The following ADGRV1 variants were observed in gnomAD, a reference collection of about 807,000 sequenced individuals.
ADGRV1 encodes adhesion G protein-coupled receptor V1.
Under a neutral mutation model 596.2 loss-of-function variants are expected in ADGRV1, and 359 were observed. That is an observed-to-expected ratio of 0.60 (90% CI 0.55 to 0.66). The LOEUF (loss-of-function observed/expected upper bound fraction) is 0.66. Among genes scored for constraint, ADGRV1 ranks in the 30% least tolerant of loss-of-function variants. The pLI is 0.00. For synonymous variants in ADGRV1, 2,681 were observed against 2,679.2 expected, an observed-to-expected ratio of 1.00 and a Z score of -0.02; for missense variants, 7,274 against 7,575.6, an observed-to-expected ratio of 0.96 and a Z score of 1.48.
intron 1 of ADGRV1, 193 bp from the exon 2 acceptor site, chr5:90,614,642 G>GT (rs1003533575): frequency 3.1e-6 from 2 of 637,800 alleles, no homozygotes; most frequent in South Asian, 3.1e-5. Context: ...AAAGAGAACC[G>GT]TAAGAATAGA....
At position 90,691,061 on chromosome 5, in the gene ADGRV1, T is replaced by G. The variant is rs187362205; in HGVS notation, c.6951+20T>G. The stretch of plus-strand genomic sequence containing the variant: ...GAAGAGGTGAGAGGACTGGCTAGTA[T>G]AGAATGACACTGTAAATCATACCGT... On this transcript the variant is annotated intron_variant, in intron 31 of 89. Transcript: ENST00000405460. 6.8e-6 allele frequency: 11 copies of G among 1,613,468 alleles called. No individual in the cohort carries two copies. In the East Asian group the frequency reaches 2.5e-4, roughly 36 times the overall value.
At chr5:90,881,960 C>T (rs1769828218) in intron 83 of ADGRV1, among the ~76,000 whole-genome samples, 1 of 152,146 alleles carries the variant, frequency 6.6e-6, no homozygotes, top group Non-Finnish European at 1.5e-5. Context: ...CTGCCGGCTT[C>T]AGCCTCCCAA....
chr5:90,697,272 G>T (rs1161780460), intron 34 of ADGRV1, 126 bp downstream of exon 34: 2 of 818,592 alleles, frequency 2.4e-6, no homozygotes, highest in Non-Finnish European at 3.8e-6. Flanking sequence ...GTGTTAATCT[G>T]CATAGAACTT....
chr5:91,095,667 GA>G (rs1278369006), intron 86 of ADGRV1, among the ~76,000 whole-genome samples: 2 of 152,198 alleles, frequency 1.3e-5, no homozygotes, highest in East Asian at 3.9e-4. Flanking sequence ...GTGAATTTCA[GA>G]ATAAAGACCT....
chr5:90,970,942 A>C (rs948394864), intron 84 of ADGRV1, among the ~76,000 whole-genome samples: 37 of 152,174 alleles, frequency 2.4e-4, no homozygotes, highest in African/African-American at 8.9e-4. Flanking sequence ...ATCGCAAAGA[A>C]GCTAAAAACC....
At chr5:90,989,363 C>T (rs1267380642) in intron 85 of ADGRV1, among the ~76,000 whole-genome samples, 2 of 152,330 alleles carry the variant, frequency 1.3e-5, no homozygotes, top group African/African-American at 4.8e-5. Flanking sequence ...TGTCCACTAT[C>T]CACCCACATA....
intron 87 of ADGRV1, among the ~76,000 whole-genome samples, chr5:91,133,241 A>G (rs749696337): frequency 5.3e-5 from 8 of 152,252 alleles, no homozygotes; most frequent in Admixed American, 1.3e-4. Flanking sequence ...TTGGAGGTTC[A>G]AGAGATAATT....
intron 10 of ADGRV1, 98 bp from the exon 11 acceptor site, chr5:90,637,627 A>G: frequency 1.3e-6 from 1 of 763,602 alleles, no homozygotes; most frequent in Non-Finnish European, 2.0e-6. Context: ...ATATGTTCAC[A>G]CAGTAATATA....
chr5:91,127,561 T>A (rs941683881), intron 87 of ADGRV1, among the ~76,000 whole-genome samples: 8 of 145,120 alleles, frequency 5.5e-5, no homozygotes, highest in African/African-American at 2.0e-4. Context: ...AAAAAAAATC[T>A]TACTAGAGAT....
rs564441534 is a variant in ADGRV1, at chr5:90,698,199, T to A, written c.8155+1053T>A. 5.9e-5 allele frequency among the ~76,000 whole-genome samples: 9 copies of A among 152,246 alleles called. No homozygotes were observed. In the South Asian group the frequency reaches 8.3e-4, roughly 14 times the overall value. On this transcript the variant is annotated intron_variant, in intron 34 of 89. Transcript: ENST00000405460. Reference sequence around the variant, plus strand: ...TAACCTAAAGACAGATCATCAACTATCAAAAAGTTATTTGTAACATAATAC... The same window carrying A: ...TAACCTAAAGACAGATCATCAACTAACAAAAAGTTATTTGTAACATAATAC...
chr5:91,092,590 A>C (rs1426863310), intron 86 of ADGRV1: 1 of 152,196 alleles, frequency 6.6e-6, no homozygotes, highest in Non-Finnish European at 1.5e-5. Context: ...AAAAAACTTA[A>C]ACATGTTTCT....
chr5:90,571,233 A>C (rs992604743), intron 1 of ADGRV1, among the ~76,000 whole-genome samples: 1 of 152,062 alleles, frequency 6.6e-6, no homozygotes, highest in Admixed American at 6.6e-5. Flanking sequence ...TAAGTCTCCC[A>C]GTTTTTGCTT....
intron 36 of ADGRV1, among the ~76,000 whole-genome samples, chr5:90,705,037 T>G (rs1226856043): frequency 6.6e-6 from 1 of 152,144 alleles, no homozygotes; most frequent in Non-Finnish European, 1.5e-5. Flanking sequence ...CTCAATCTCT[T>G]GATCTTGTGA....
At chr5:90,778,780 C>A (rs966053482) in intron 63 of ADGRV1, 85 bp from the exon 64 acceptor site, 5 of 1,186,084 alleles carry the variant, frequency 4.2e-6, no homozygotes, top group Admixed American at 2.3e-5. Flanking sequence ...TTAACACAAT[C>A]CTGGTAAATA....
chr5:90,834,940 CTTTT>C (rs1331699134), intron 77 of ADGRV1, among the ~76,000 whole-genome samples: 83 of 127,634 alleles, frequency 6.5e-4, no homozygotes, highest in Non-Finnish European at 5.1e-5. Context: ...TTCTTTCTTT[CTTTT>C]TCTTTCTCCT....
At chr5:90,900,293 G>A (rs1374869013) in intron 83 of ADGRV1, among the ~76,000 whole-genome samples, 1 of 147,596 alleles carries the variant, frequency 6.8e-6, no homozygotes, top group Non-Finnish European at 1.5e-5. Context: ...GGCATTATTT[G>A]TATGCCCAAA....
chr5:90,587,068 G>T (rs1242172545), intron 1 of ADGRV1, among the ~76,000 whole-genome samples: 1 of 152,090 alleles, frequency 6.6e-6, no homozygotes, highest in Admixed American at 6.6e-5. Context: ...GGTGGCCATT[G>T]AACTGACTTT....
At position 90,810,462 on chromosome 5, in the gene ADGRV1, T is replaced by C. The variant is rs1268883249; in HGVS notation, c.15202T>C (p.Phe5068Leu). The C allele has an allele frequency of 6.2e-7, 1 of 1,613,968 alleles. No homozygotes were observed. The highest frequency in any genetic ancestry group is 1.3e-5 in the African/African-American group (1 of 75,056). ...VQNGELFFQK[F>L]QTEVDFEITI... ...GAATGGGGAACTGTTTTTTCAAAAA[T>C]TCCAAACTGAGGTTGATTTTGAAAT... Residue 5068 changes from phenylalanine (F) to leucine (L), a missense_variant, in exon 74 of 90, where the codon TTC becomes CTC. Physicochemically the swap from Phe to Leu is conservative, Grantham distance 22. This residue lies in a region of ADGRV1 where 1,874 missense variants were observed against 1,970.2 expected (regional missense o/e 0.95). Coordinates refer to ENST00000405460, the MANE Select transcript of ADGRV1 (RefSeq NM_032119.4).
At position 91,028,037 on chromosome 5, in the gene ADGRV1, C is replaced by CT. The variant is rs748293256; in HGVS notation, c.18152+42530dup. ...CTGAGATCCAGCTTTTTTTTTCTTT[C>CT]TTTTTTTTTTTTTTTAATTCTTTAA... On this transcript the variant is annotated intron_variant, in intron 85 of 89. Coordinates refer to ENST00000405460, the MANE Select transcript of ADGRV1 (RefSeq NM_032119.4). 4.1e-3 allele frequency among the ~76,000 whole-genome samples: 423 copies of CT among 102,578 alleles called. 1 individual carries two copies. The highest frequency in any genetic ancestry group is 0.01 in the African/African-American group (303 of 30,110). The allele number at this position is 102,578 out of a possible 152,430, so 67.3% of individuals were successfully genotyped here. A position where few individuals can be genotyped will look rare whatever the true frequency, so the allele number is the denominator to read the frequency against.
Sources: allele counts gnomAD v4.1 joint callset (sites outside exome capture counted in the v4.1 genomes callset), GRCh38; gene constraint gnomAD v4.1.1; regional missense constraint gnomAD v4.1.1; transcripts MANE v1.5; gene names NCBI Gene and HGNC (gene_info 2026-07-23, HGNC 2026-07-21).